The following ATP7B variants were observed in gnomAD, a reference collection of about 807,000 sequenced individuals.
ATP7B encodes ATPase copper transporting beta, also known as copper-transporting ATPase 2.
A neutral mutation model predicts 118.9 loss-of-function variants in ATP7B; 113 were observed. The ratio of observed to expected loss-of-function variants is 0.95; its 90% CI spans 0.82 to 1.11. The LOEUF is 1.11. Among genes scored for constraint, ATP7B ranks in the 50% most tolerant of loss-of-function variants. The pLI, the probability that ATP7B is intolerant of heterozygous loss-of-function variation, is 0.00. For missense variants in ATP7B, 1,867 were observed against 1,871.4 expected, an observed-to-expected ratio of 1.00 and a Z score of 0.04; for synonymous variants, 777 against 727.4, an observed-to-expected ratio of 1.07 and a Z score of -1.10.
intron 12 of ATP7B, 101 bp from the exon 13 acceptor site, chr13:51,946,579 G>A (rs540208540): frequency 9.4e-6 from 13 of 1,385,084 alleles, no homozygotes; most frequent in African/African-American, 8.5e-5. Context: ...TGGACACAAC[G>A]TGACGAACTT....
In ATP7B at chr13:51,984,141, C is replaced by A. The variant is rs188493515; in HGVS notation, c.52-8973G>T. 3.7e-3 allele frequency among the ~76,000 whole-genome samples: 554 copies of A among 151,542 alleles called. 2 individuals are homozygous for A. The highest frequency in any genetic ancestry group is 0.013 in the African/African-American group (540 of 41,308). ...CCGAGCTAAAGTAGCATGTTCTAAC[C>A]CAAGGCAAGGAAGCTAAGAACCCTG... is the stretch of plus-strand genomic sequence containing the variant. On this transcript the variant is annotated intron_variant, in intron 1 of 20. Coordinates refer to ENST00000242839, the MANE Select transcript of ATP7B (RefSeq NM_000053.4).
rs1376179282 is a variant in ATP7B at position 51,933,596 on chromosome 13, T to C, written c.*1160A>G. On this transcript the variant is annotated 3_prime_UTR_variant, in exon 21 of 21. Coordinates refer to ENST00000242839, the MANE Select transcript of ATP7B (RefSeq NM_000053.4). ...ACTGCCAGGTAAACAGATGCTCCCT[T>C]CGGGGTGCTGTGGCCACTCCTTTTC... The C allele has an allele frequency of 2.0e-5, 3 of 152,250 alleles. No individual in the cohort carries two copies. The highest frequency in any genetic ancestry group is 4.8e-5 in the African/African-American group (2 of 41,450). 9.4% of individuals were successfully genotyped at this position (152,250 alleles called of 1,614,324 possible). A position where few individuals can be genotyped will look rare whatever the true frequency, so the allele number is the denominator to read the frequency against.
chr13:51,949,496 C>T (rs1211366571), intron 12 of ATP7B, among the ~76,000 whole-genome samples, 166 bp downstream of exon 12: 1 of 151,782 alleles, frequency 6.6e-6, no homozygotes, highest in African/African-American at 2.4e-5. Flanking sequence ...AGGAGAGTGA[C>T]TGTTTATCCT....
Position 51,958,343 on chromosome 13 carries a change from C to A in ATP7B, c.2323G>T (p.Ala775Ser), listed in dbSNP as rs535217574. Residue 775 changes from alanine (A) to serine (S), a missense_variant, in exon 8 of 21, where the codon GCC becomes TCC. Ala to Ser is a moderately conservative substitution (Grantham distance 99). Coordinates refer to ENST00000242839, the MANE Select transcript of ATP7B (RefSeq NM_000053.4). ...AAGTGTTCCAGCCACCGGCCCAGGG[C>A]AATGAACACAAAGAGCATGGGGGGC... ...DTPPMLFVFI[A>S]LGRWLEHLAK... 1.4e-5 allele frequency: 22 copies of A among 1,614,208 alleles called. No individual in the cohort carries two copies. In the African/African-American group the frequency reaches 2.7e-4, roughly 20 times the overall value.
In ATP7B at chr13:51,960,214, G is replaced by A. The variant is rs1160573629; in HGVS notation, c.2055C>T (p.Asp685=). ...SNEPHQSMVL[D]HNIIPGLSIL... ...TGGACAGTCCTGGAATGATGTTGTG[G>A]TCCAGGACCATGGACTGGTGGGGCT... The change falls in exon 7 of 21, where the codon GAC becomes GAT. Residue 685 remains aspartate (D), a synonymous_variant. Coordinates refer to ENST00000242839, the MANE Select transcript of ATP7B (RefSeq NM_000053.4). The A allele has an allele frequency of 6.2e-6, 10 of 1,613,888 alleles. No homozygotes were observed. The highest frequency in any genetic ancestry group is 8.5e-6 in the Non-Finnish European group (10 of 1,179,766).
At chr13:51,950,182 A>G (rs1957908508) in intron 10 of ATP7B, 21 bp from the exon 11 acceptor site, 1 of 1,614,152 alleles carries the variant, frequency 6.2e-7, no homozygotes, top group Non-Finnish European at 8.5e-7. Flanking sequence ...GAAAGAGACA[A>G]CTGTCACTTG....
In ATP7B at chr13:51,942,432, T is replaced by C. The variant is rs59120265; in HGVS notation, c.3366A>G (p.Ala1122=). The change falls in exon 15 of 21, where the codon GCA becomes GCG. Residue 1122 remains alanine (A), a synonymous_variant. Coordinates refer to ENST00000242839, the MANE Select transcript of ATP7B (RefSeq NM_000053.4). ...CAGCCTCATTCAGGTGACTGGCCGGTGCACTCAAAGGGCGCTCACTGTGGG... is the reference window on the plus strand; with the variant it reads ...CAGCCTCATTCAGGTGACTGGCCGGCGCACTCAAAGGGCGCTCACTGTGGG... The part of the protein sequence containing the change: ...ILAHSERPLS[A]PASHLNEAGS... 3,117 of 1,614,230 alleles carry C rather than the reference T, an allele frequency of 1.9e-3. 51 individuals are homozygous for C. The African/African-American group carries it at 0.035, about 18-fold the overall frequency.
intron 1 of ATP7B, 131 bp from the exon 2 acceptor site, chr13:51,975,299 TAACATACAC>T (rs1952051848): frequency 1.6e-6 from 2 of 1,235,200 alleles, no homozygotes; most frequent in African/African-American, 3.0e-5. Context: ...TAGAAGAACA[TAACATACAC>T]AGAAAGCAAG....
intron 8 of ATP7B, chr13:51,957,959 G>T: frequency 2.2e-6 from 1 of 458,864 alleles, no homozygotes; most frequent in East Asian, 4.4e-5. Context: ...GACAATGAAG[G>T]GTGTTAAAAA....
chr13:51,973,809 AG>A (rs1951957804), intron 2 of ATP7B, 125 bp downstream of exon 2: 4 of 1,376,438 alleles, frequency 2.9e-6, no homozygotes, highest in Admixed American at 1.8e-5. Flanking sequence ...GAAAGTTTGC[AG>A]GATTTTGTTC....
At chr13:51,977,152 G>A (rs1184622078) in intron 1 of ATP7B, among the ~76,000 whole-genome samples, 3 of 151,998 alleles carry the variant, frequency 2.0e-5, no homozygotes, top group Non-Finnish European at 4.4e-5. Flanking sequence ...GACAAAACAA[G>A]ACCCTGTCTC....
At chr13:51,995,980 C>T (rs1953186986) in intron 1 of ATP7B, among the ~76,000 whole-genome samples, 1 of 152,222 alleles carries the variant, frequency 6.6e-6, no homozygotes, top group African/African-American at 2.4e-5. Context: ...GAAACCCAGT[C>T]TAGAGGCAGG....
chr13:51,979,153 A>C (rs1195059815), intron 1 of ATP7B, among the ~76,000 whole-genome samples: 2 of 152,180 alleles, frequency 1.3e-5, no homozygotes, highest in Non-Finnish European at 2.9e-5. Flanking sequence ...CTTGCATCAC[A>C]CTTGCTAACA....
chr13:51,945,749 C>T (rs1566482126), intron 13 of ATP7B, among the ~76,000 whole-genome samples: 1 of 152,238 alleles, frequency 6.6e-6, no homozygotes, highest in African/African-American at 2.4e-5. Flanking sequence ...CAGTGCAGGG[C>T]TCACACGCAG....
intron 17 of ATP7B, among the ~76,000 whole-genome samples, chr13:51,937,929 G>A (rs969756924): frequency 1.3e-5 from 2 of 152,118 alleles, no homozygotes; most frequent in African/African-American, 2.4e-5. Flanking sequence ...CCCTGTCCAC[G>A]GCTCAGTCCT....
chr13:51,942,913 T>C (rs1289221759), intron 14 of ATP7B, among the ~76,000 whole-genome samples: 1 of 152,176 alleles, frequency 6.6e-6, no homozygotes, highest in Non-Finnish European at 1.5e-5. Context: ...GGACTGCAGA[T>C]GCCAAAGAGA....
intron 1 of ATP7B, among the ~76,000 whole-genome samples, chr13:51,992,331 G>C (rs1379376944): frequency 6.6e-6 from 1 of 152,180 alleles, no homozygotes; most frequent in Non-Finnish European, 1.5e-5. Context: ...TAATACTTCA[G>C]TGTTCCAATG....
At chr13:52,003,951 C>T (rs1312895447) in intron 1 of ATP7B, among the ~76,000 whole-genome samples, 1 of 152,194 alleles carries the variant, frequency 6.6e-6, no homozygotes, top group African/African-American at 2.4e-5. Context: ...GGCTCCTAAG[C>T]AGGCTCCCTA....
intron 3 of ATP7B, among the ~76,000 whole-genome samples, chr13:51,969,860 T>G (rs1455595922): frequency 6.6e-6 from 1 of 152,170 alleles, no homozygotes; most frequent in African/African-American, 2.4e-5. Context: ...CAGGGCTGAT[T>G]CTAAGGGCCA....
Sources: allele counts gnomAD v4.1 joint callset (sites outside exome capture counted in the v4.1 genomes callset), GRCh38; gene constraint gnomAD v4.1.1; transcripts MANE v1.5; gene names NCBI Gene and HGNC (gene_info 2026-07-23, HGNC 2026-07-21).